Variants in KIF9 observed in about 807,000 individuals in gnomAD.
KIF9 encodes the protein kinesin family member 9, also known as kinesin-like protein KIF9.
Under a neutral mutation model 94.8 loss-of-function variants are expected in KIF9, and 68 were observed. The observed-to-expected ratio is 0.72, with a 90% CI of 0.59 to 0.88. The LOEUF is 0.88. KIF9 is among the 40% of genes least tolerant of loss of function. The pLI is 0.00. For missense variants in KIF9, 882 were observed against 982.5 expected (o/e 0.90, Z 1.37); for synonymous variants, 343 against 362.1 (o/e 0.95, Z 0.60).
At chr3:47,276,688 T>A (rs1324003465) in intron 2 of KIF9, among the ~76,000 whole-genome samples, 1 of 152,230 alleles carries the variant, frequency 6.6e-6, no homozygotes, top group African/African-American at 2.4e-5. Flanking sequence ...TGTGAGCTCT[T>A]TTCTGACCGC....
At chr3:47,267,874 T>G (rs1004180474) in intron 5 of KIF9, among the ~76,000 whole-genome samples, 10 of 145,020 alleles carry the variant, frequency 6.9e-5, no homozygotes. Context: ...GTGTTCTCCT[T>G]TTTTTTTTTT....
intron 10 of KIF9, among the ~76,000 whole-genome samples, chr3:47,250,137 A>G (rs903115357): frequency 4.7e-5 from 7 of 150,112 alleles, no homozygotes; most frequent in African/African-American, 1.7e-4. Context: ...TTTGCCTTTT[A>G]ACATATTCTA....
At chr3:47,253,949 CAT>C (rs1279909646) in intron 10 of KIF9, among the ~76,000 whole-genome samples, 1 of 152,224 alleles carries the variant, frequency 6.6e-6, no homozygotes. Flanking sequence ...GTCTCTCACA[CAT>C]GTGAGAATGT....
chr3:47,229,349 G>A (rs1025726869), intron 20 of KIF9, among the ~76,000 whole-genome samples: 1 of 152,160 alleles, frequency 6.6e-6, no homozygotes, highest in Non-Finnish European at 1.5e-5. Flanking sequence ...CCTTTTCAGG[G>A]GGAAAATAAT....
chr3:47,267,103 AG>A, intron 6 of KIF9, 35 bp from the exon 7 acceptor site: 1 of 1,607,312 alleles, frequency 6.2e-7, no homozygotes, highest in East Asian at 2.2e-5. Context: ...AGACTGTCAC[AG>A]GGAGAAGTTT....
At position 47,271,483 on chromosome 3, in the gene KIF9, G is replaced by A. The variant is rs368017554; in HGVS notation, c.367-22C>T. The A allele has an allele frequency of 1.4e-4, 225 of 1,597,638 alleles. No homozygotes were observed. The Admixed American group carries it at 1.7e-3, about 12-fold the overall frequency. ...AAACCTAGATGACAGATTGTACAGCGGTCACCAAGAGCAGAACCCCAACAG... is the reference window on the plus strand; with the variant it reads ...AAACCTAGATGACAGATTGTACAGCAGTCACCAAGAGCAGAACCCCAACAG... On this transcript the variant is annotated intron_variant, in intron 4 of 20. Transcript: ENST00000684063.
In KIF9 at chr3:47,267,086, A is replaced by T; in HGVS notation, c.676-18T>A. The T allele has an allele frequency of 6.2e-7, 1 of 1,611,538 alleles. No individual in the cohort carries two copies. Among genetic ancestry groups the T allele is most frequent in the South Asian group, 1.1e-5 (1 of 91,048 alleles). On this transcript the variant is annotated intron_variant, in intron 6 of 20. Coordinates refer to ENST00000684063, the MANE Select transcript of KIF9 (RefSeq NM_182902.4). ...GAATGGGCCTACAAAACATCCAAGC[A>T]GAAGTTAGACTGTCACAGGGAGAAG...
chr3:47,235,606 G>A lies in KIF9; in HGVS notation c.2229C>T (p.Asp743=). The part of the protein sequence containing the change: ...VNRIVSLGED[D]QDKFSQLQQR... Reference sequence around the variant, plus strand: ...GCTGCAGCTGGCTGAATTTGTCCTGGTCATCTTCTCCCTGGGGGAGGACAG... The same window carrying A: ...GCTGCAGCTGGCTGAATTTGTCCTGATCATCTTCTCCCTGGGGGAGGACAG... Residue 743 remains aspartate (D), a synonymous_variant, in exon 20 of 21, where the codon GAC becomes GAT. Coordinates refer to ENST00000684063, the MANE Select transcript of KIF9 (RefSeq NM_182902.4). 6.2e-7 allele frequency: 1 copy of A among 1,613,674 alleles called. No individual in the cohort carries two copies. The highest frequency in any genetic ancestry group is 8.5e-7 in the Non-Finnish European group (1 of 1,179,622).
intron 9 of KIF9, 107 bp from the exon 10 acceptor site, chr3:47,257,667 C>A (rs1700711042): frequency 1.1e-6 from 1 of 888,366 alleles, no homozygotes; most frequent in Admixed American, 2.1e-5. Context: ...TCCTTAAGCT[C>A]CCTTGTCAAC....
chr3:47,256,211 G>C (rs1173653738), intron 10 of KIF9, among the ~76,000 whole-genome samples: 5 of 149,388 alleles, frequency 3.3e-5, no homozygotes, highest in East Asian at 2.0e-4. Context: ...GCGTCTCTGC[G>C]TGGCCGCCCA....
rs1701891288 is a variant in KIF9, at chr3:47,275,310, A to G, written c.259+15T>C. ...CAGGTTCTTACATAAGACAACATTTAATTAATTAAGTTACCATTATAGCCA... is the reference window on the plus strand; with the variant it reads ...CAGGTTCTTACATAAGACAACATTTGATTAATTAAGTTACCATTATAGCCA... On this transcript the variant is annotated intron_variant, in intron 3 of 20. Coordinates refer to ENST00000684063, the MANE Select transcript of KIF9 (RefSeq NM_182902.4). 2 of 1,577,998 alleles carry G rather than the reference A, an allele frequency of 1.3e-6. No individual in the cohort carries two copies. Among genetic ancestry groups the G allele is most frequent in the Non-Finnish European group, 1.7e-6 (2 of 1,161,016 alleles).
At chr3:47,255,685 C>T (rs1700528150) in intron 10 of KIF9, among the ~76,000 whole-genome samples, 1 of 152,038 alleles carries the variant, frequency 6.6e-6, no homozygotes, top group Non-Finnish European at 1.5e-5. Flanking sequence ...TGAAGATGCC[C>T]TTTTTCTTTT....
rs956332119 is a variant in KIF9 at position 47,244,508 on chromosome 3, G to C, written c.1514+283C>G. On this transcript the variant is annotated intron_variant, in intron 15 of 20. Transcript: ENST00000684063. Reference sequence around the variant, plus strand: ...ACTACTCATTGGTGGTATGGCCTTGGTGAGTGACTTCCCCTCTCTAAGCCT... The same window carrying C: ...ACTACTCATTGGTGGTATGGCCTTGCTGAGTGACTTCCCCTCTCTAAGCCT... The C allele has an allele frequency of 5.8e-5, 21 of 363,262 alleles. No homozygotes were observed. In the Admixed American group the frequency reaches 8.2e-4, roughly 14 times the overall value. The allele number at this position is 363,262 out of a possible 1,614,324, so 22.5% of individuals were successfully genotyped here.
In KIF9 at chr3:47,240,626, G is replaced by A. The variant is rs57114752; in HGVS notation, c.1924+175C>T. ...GAGGCTGGCTGACAGGGAGGACTCT[G>A]CGGCTCTCAGGGGCTGACCAGAGCT... On this transcript the variant is annotated intron_variant, in intron 17 of 20. Coordinates refer to ENST00000684063, the MANE Select transcript of KIF9 (RefSeq NM_182902.4). Among the ~76,000 whole-genome samples, 284 of 152,286 alleles carry A rather than the reference G, an allele frequency of 1.9e-3. 2 individuals are homozygous for A. The highest frequency in any genetic ancestry group is 6.5e-3 in the African/African-American group (272 of 41,554).
Position 47,235,500 on chromosome 3 carries a change from GC to G in KIF9, c.2322+12del, listed in dbSNP as rs773024481. 2.0e-5 allele frequency: 31 copies of G among 1,576,510 alleles called. No individual in the cohort carries two copies. Among genetic ancestry groups the G allele is most frequent in the Non-Finnish European group, 2.7e-5 (31 of 1,145,672 alleles). On this transcript the variant is annotated intron_variant, in intron 20 of 20. Coordinates refer to ENST00000684063, the MANE Select transcript of KIF9 (RefSeq NM_182902.4). ...GGCCCCCATCCTCCTGGAGACATAG[GC>G]CTCTGAGTTACCTTCTGCTCTATCT... is the stretch of plus-strand genomic sequence containing the variant.
chr3:47,260,534 C>T (rs902046373), intron 9 of KIF9, among the ~76,000 whole-genome samples: 1 of 152,206 alleles, frequency 6.6e-6, no homozygotes, highest in Admixed American at 6.5e-5. Context: ...ATAGGGCCAA[C>T]CCTTCCACAG....
chr3:47,253,031 G>A (rs1700369235), intron 10 of KIF9, among the ~76,000 whole-genome samples: 1 of 151,626 alleles, frequency 6.6e-6, no homozygotes, highest in South Asian at 2.1e-4. Flanking sequence ...AAAAAAAAAA[G>A]ATAAGAAAAT....
chr3:47,242,988 A>C, intron 16 of KIF9, 63 bp downstream of exon 16: 1 of 1,334,968 alleles, frequency 7.5e-7, no homozygotes, highest in South Asian at 1.4e-5. Flanking sequence ...GGTACTCTTC[A>C]CATGTTGAGG....
At chr3:47,264,069 G>A in intron 9 of KIF9, 1 of 570,738 alleles carries the variant, frequency 1.8e-6, no homozygotes, top group Non-Finnish European at 3.3e-6. Context: ...GAGCCTGCCT[G>A]CTGGCTGGCC....
Sources: allele counts gnomAD v4.1 joint callset (sites outside exome capture counted in the v4.1 genomes callset), GRCh38; gene constraint gnomAD v4.1.1; transcripts MANE v1.5; gene names NCBI Gene and HGNC (gene_info 2026-07-23, HGNC 2026-07-21).